The following UQCRC1 variants were observed in gnomAD, a reference collection of about 807,000 sequenced individuals.
UQCRC1 encodes ubiquinol-cytochrome c reductase core protein 1, also known as cytochrome b-c1 complex subunit 1, mitochondrial.
A neutral mutation model predicts 58.0 loss-of-function variants in UQCRC1; 34 were observed. That is an observed-to-expected ratio of 0.59 (90% CI 0.45 to 0.78). UQCRC1 has a LOEUF of 0.78. Ranked by LOEUF, UQCRC1 falls within the 30% of genes least tolerant of loss-of-function variation. UQCRC1 has a pLI of 0.00. For missense variants in UQCRC1, 610 were observed against 646.0 expected (o/e 0.94, Z 0.60); for synonymous variants, 276 against 248.8 (o/e 1.11, Z -1.03).
Position 48,604,711 on chromosome 3 carries a change from A to G in UQCRC1, c.367T>C (p.Tyr123His). 1 of 1,614,168 alleles carries G rather than the reference A, an allele frequency of 6.2e-7. No homozygotes were observed. The highest frequency in any genetic ancestry group is 8.5e-7 in the Non-Finnish European group (1 of 1,180,024). ...VESMGAHLNA[Y>H]STREHTAYYI... ...TAAGCTGTGTGCTCCCGGGTGCTGTAGGCATTAAGATGGGCCCCCATGCTC... is the reference window on the plus strand; with the variant it reads ...TAAGCTGTGTGCTCCCGGGTGCTGTGGGCATTAAGATGGGCCCCCATGCTC... Residue 123 changes from tyrosine to histidine, a missense_variant, in exon 4 of 13, where the codon TAC (tyrosine) becomes CAC (histidine). By Grantham distance (83) the Tyr-to-His change is moderately conservative (BLOSUM62 2). Coordinates refer to ENST00000203407, the MANE Select transcript of UQCRC1 (RefSeq NM_003365.3).
intron 6 of UQCRC1, among the ~76,000 whole-genome samples, chr3:48,602,571 G>A (rs372544360): frequency 1.1e-4 from 16 of 148,312 alleles, no homozygotes; most frequent in East Asian, 6.0e-4. Context: ...TGTGCAGGCC[G>A]GAGTGCAGTG....
chr3:48,601,007 CGAT>C lies in UQCRC1; in HGVS notation c.931_933del (p.Ile311del). ...CCACCATAAGTGCAGTCATAGTGGC[CGAT>C]GATGGCATTGGCCACTTGCAAGGCC... On this transcript the variant is annotated inframe_deletion, in exon 8 of 13. Coordinates refer to ENST00000203407, the MANE Select transcript of UQCRC1 (RefSeq NM_003365.3). The C allele has an allele frequency of 1.2e-6, 2 of 1,607,486 alleles. No homozygotes were observed. The highest frequency in any genetic ancestry group is 1.7e-6 in the Non-Finnish European group (2 of 1,174,680).
rs986892004 is a variant in UQCRC1, at chr3:48,609,432, G to A, written c.69+120C>T. On this transcript the variant is annotated intron_variant, in intron 1 of 12. Coordinates refer to ENST00000203407, the MANE Select transcript of UQCRC1 (RefSeq NM_003365.3). ...GATACCTTTCCCCGCCCTCCGCCGT[G>A]ACCTTCCCACGGCCCTGACCCCGCG... 8 of 1,512,900 alleles carry A rather than the reference G, an allele frequency of 5.3e-6. No homozygotes were observed. In the African/African-American group the frequency reaches 5.5e-5, roughly 10 times the overall value. 93.7% of individuals were successfully genotyped at this position (1,512,900 alleles called of 1,614,324 possible). A position where few individuals can be genotyped will look rare whatever the true frequency, so the allele number is the denominator to read the frequency against.
chr3:48,604,954 G>A (rs1420912410), intron 3 of UQCRC1, among the ~76,000 whole-genome samples, 174 bp from the exon 4 acceptor site: 1 of 152,158 alleles, frequency 6.6e-6, no homozygotes, highest in African/African-American at 2.4e-5. Flanking sequence ...GCCTTGAGGT[G>A]ACCAAAACCA....
chr3:48,600,957 G>T lies in UQCRC1; in HGVS notation c.966+18C>A, dbSNP rs539018849. 2.0e-4 allele frequency: 325 copies of T among 1,601,758 alleles called. 1 individual carries two copies. The South Asian group carries it at 3.2e-3, about 16-fold the overall frequency. ...CTCTTCCCTGAAGGCGAGGTCCCAT[G>T]CTCGCGCTGGCACTCACCACGCCAC... is the stretch of plus-strand genomic sequence containing the variant. On this transcript the variant is annotated intron_variant, in intron 8 of 12. Transcript: ENST00000203407.
intron 12 of UQCRC1, 27 bp downstream of exon 12, chr3:48,599,608 A>G (rs774131190): frequency 2.5e-6 from 4 of 1,612,808 alleles, no homozygotes; most frequent in Non-Finnish European, 3.4e-6. Context: ...GGAAATAAAC[A>G]AAGAGCAGAC....
In UQCRC1 at chr3:48,604,287, G is replaced by C; in HGVS notation, c.572C>G (p.Ala191Gly). The change falls in exon 5 of 13, where the codon GCA becomes GGA. Residue 191 changes from alanine to glycine, a missense_variant. Transcript: ENST00000203407. ...DVVFNYLHATAFQGTPLAQAV... is the reference protein window; with the variant it reads ...DVVFNYLHATGFQGTPLAQAV... ...CTGGGCTAGAGGTGTGCCCTGGAAT[G>C]CTGTGGCATGCAGGTAGTTAAAGAC... is the stretch of plus-strand genomic sequence containing the variant. The C allele has an allele frequency of 6.2e-7, 1 of 1,613,612 alleles. No individual in the cohort carries two copies. The highest frequency in any genetic ancestry group is 8.5e-7 in the Non-Finnish European group (1 of 1,180,046).
At chr3:48,608,783 A>G (rs1055980594) in intron 2 of UQCRC1, among the ~76,000 whole-genome samples, 6 of 152,176 alleles carry the variant, frequency 3.9e-5, no homozygotes, top group African/African-American at 1.4e-4. Flanking sequence ...TCTAGCCTGG[A>G]GATTATGACC....
rs1252131025 is a variant in UQCRC1 at position 48,599,503 on chromosome 3, T to TG, written c.1378+131dup. The stretch of plus-strand genomic sequence containing the variant: ...AAGAACTCCCTGGCAGCCAGGGGAC[T>TG]GGGGAGAGCTGCTTGGGGCCTTAAC... On this transcript the variant is annotated intron_variant, in intron 12 of 12. Coordinates refer to ENST00000203407, the MANE Select transcript of UQCRC1 (RefSeq NM_003365.3). 3.1e-6 allele frequency: 3 copies of TG among 980,132 alleles called. No individual in the cohort carries two copies. In the African/African-American group the frequency reaches 4.9e-5, roughly 16 times the overall value. The allele number at this position is 980,132 out of a possible 1,614,324, so 60.7% of individuals were successfully genotyped here. A position where few individuals can be genotyped will look rare whatever the true frequency, so the allele number is the denominator to read the frequency against.
rs774816154 is a variant in UQCRC1 at position 48,604,332 on chromosome 3, T to C, written c.527A>G (p.Asp176Gly). The C allele has an allele frequency of 3.4e-5, 55 of 1,613,972 alleles. No homozygotes were observed. Among genetic ancestry groups the C allele is most frequent in the Non-Finnish European group, 4.7e-5 (55 of 1,179,986 alleles). Residue 176 changes from aspartate to glycine, a missense_variant, in exon 5 of 13, where the codon GAT (aspartate) becomes GGT (glycine). Asp to Gly is a moderately conservative substitution (Grantham distance 94). Coordinates refer to ENST00000203407, the MANE Select transcript of UQCRC1 (RefSeq NM_003365.3). The stretch of plus-strand genomic sequence containing the variant: ...AAAGACCACATCTCGCATAGATGCA[T>C]CATTCTCCTGCATCTCCCGCAGGAT... ...DVILREMQEN[D>G]ASMRDVVFNY...
rs2046390372 is a variant in UQCRC1, at chr3:48,604,165, G to A, written c.626+68C>T. 1.9e-6 allele frequency: 3 copies of A among 1,546,440 alleles called. No homozygotes were observed. The South Asian group carries it at 3.5e-5, about 18-fold the overall frequency. On this transcript the variant is annotated intron_variant, in intron 5 of 12. Coordinates refer to ENST00000203407, the MANE Select transcript of UQCRC1 (RefSeq NM_003365.3). ...CCGACAGCTAGCCAACTAAAAATGT[G>A]ACCTGGAAAGGGTCTGGCCAGGCCA...
chr3:48,605,603 G>A (rs999013992), intron 3 of UQCRC1, among the ~76,000 whole-genome samples, 167 bp downstream of exon 3: 41 of 152,212 alleles, frequency 2.7e-4, no homozygotes, highest in African/African-American at 9.2e-4. Context: ...CATCAGATAC[G>A]TGCCCACTCA....
chr3:48,603,942 G>A, intron 5 of UQCRC1: 1 of 584,308 alleles, frequency 1.7e-6, no homozygotes, highest in Non-Finnish European at 3.0e-6. Flanking sequence ...AGCTCCCGGA[G>A]CCATCCACAA....
chr3:48,599,805 C>A lies in UQCRC1; in HGVS notation c.1303-95G>T, dbSNP rs113752607. 91 of 1,334,738 alleles carry A rather than the reference C, an allele frequency of 6.8e-5. 6 individuals are homozygous for A. In the African/African-American group the frequency reaches 7.8e-4, roughly 11 times the overall value. The allele number at this position is 1,334,738 out of a possible 1,614,324, so 82.7% of individuals were successfully genotyped here. On this transcript the variant is annotated intron_variant, in intron 11 of 12. Coordinates refer to ENST00000203407, the MANE Select transcript of UQCRC1 (RefSeq NM_003365.3). ...CCAACTAGCAGAGATCTCCCACAGG[C>A]AGCATGCAGCTGTCCCCAGCCCAAA...
Position 48,605,871 on chromosome 3 carries a change from A to G in UQCRC1, c.211-15T>C. 6.2e-7 allele frequency: 1 copy of G among 1,613,112 alleles called. No individual in the cohort carries two copies. The highest frequency in any genetic ancestry group is 8.5e-7 in the Non-Finnish European group (1 of 1,179,570). On this transcript the variant is annotated splice_polypyrimidine_tract_variant and intron_variant, in intron 2 of 12. Coordinates refer to ENST00000203407, the MANE Select transcript of UQCRC1 (RefSeq NM_003365.3). ...CACACTCCCACCTGGTCAAGAAGCC[A>G]CCAGAAAAGGTTACAAACAAACCAC...
chr3:48,601,292 C>T (rs1324554331), intron 7 of UQCRC1, 60 bp downstream of exon 7: 1 of 1,591,708 alleles, frequency 6.3e-7, no homozygotes, highest in African/African-American at 1.3e-5. Context: ...TAACCATGCA[C>T]ATGGGGGTCC....
Position 48,599,718 on chromosome 3 carries a change from G to A in UQCRC1, c.1303-8C>T, listed in dbSNP as rs1443712275. The A allele has an allele frequency of 6.2e-7, 1 of 1,613,610 alleles. No individual in the cohort carries two copies. Among genetic ancestry groups the A allele is most frequent in the South Asian group, 1.1e-5 (1 of 91,086 alleles). On this transcript the variant is annotated splice_polypyrimidine_tract_variant and splice_region_variant and intron_variant, in intron 11 of 12. Transcript: ENST00000203407. ...CACACTGGCATCCACCTCCTGCAGG[G>A]TGAGGCAGAGGGCATACTGGCTAAC...
Position 48,600,571 on chromosome 3 carries a change from A to G in UQCRC1, c.1128-4T>C. The stretch of plus-strand genomic sequence containing the variant: ...GGCACTGGTACACAGGCGCATCCTA[A>G]AGTGGGGGGGTGGGTGGTATTCATT... On this transcript the variant is annotated splice_region_variant and splice_polypyrimidine_tract_variant and intron_variant, in intron 9 of 12. Coordinates refer to ENST00000203407, the MANE Select transcript of UQCRC1 (RefSeq NM_003365.3). The G allele has an allele frequency of 1.2e-6, 2 of 1,614,062 alleles. No homozygotes were observed. The highest frequency in any genetic ancestry group is 1.7e-6 in the Non-Finnish European group (2 of 1,179,988).
intron 2 of UQCRC1, among the ~76,000 whole-genome samples, chr3:48,606,795 C>G (rs1433090826): frequency 6.6e-6 from 1 of 151,210 alleles, no homozygotes; most frequent in East Asian, 1.9e-4. Context: ...CACTTGGTCA[C>G]ACGGTCTAGT....
Sources: allele counts gnomAD v4.1 joint callset (sites outside exome capture counted in the v4.1 genomes callset), GRCh38; gene constraint gnomAD v4.1.1; transcripts MANE v1.5; gene names NCBI Gene and HGNC (gene_info 2026-07-23, HGNC 2026-07-21).